Variants in RORC observed in about 807,000 individuals in gnomAD.
RORC encodes the protein RAR related orphan receptor C, also known as nuclear receptor ROR-gamma.
Under a neutral mutation model 64.5 loss-of-function variants are expected in RORC, and 13 were observed. The observed-to-expected ratio is 0.20, with a 90% CI of 0.13 to 0.32. The LOEUF (loss-of-function observed/expected upper bound fraction) is 0.32, where lower values mean the gene tolerates loss of function less well. RORC is among the 10% of genes least tolerant of loss of function. The pLI is 1.00. For synonymous variants in RORC, 277 were observed against 259.3 expected (o/e 1.07, Z -0.65); for missense variants, 468 against 669.5 (o/e 0.70, Z 3.32).
chr1:151,819,660 C>T (rs1018282585), intron 2 of RORC, among the ~76,000 whole-genome samples: 1 of 152,164 alleles, frequency 6.6e-6, no homozygotes, highest in Non-Finnish European at 1.5e-5. Flanking sequence ...GCCACATCCG[C>T]GTGCGTGTGT....
At chr1:151,821,632 A>G (rs1651997803) in intron 2 of RORC, among the ~76,000 whole-genome samples, 1 of 152,242 alleles carries the variant, frequency 6.6e-6, no homozygotes, top group Non-Finnish European at 1.5e-5. Flanking sequence ...TCACACAGCC[A>G]GAAGTGGCAG....
At chr1:151,814,429 TA>T in intron 6 of RORC, 144 bp downstream of exon 6, 1 of 759,084 alleles carries the variant, frequency 1.3e-6, no homozygotes. Context: ...CAACTGTACA[TA>T]AAAGGTGTGC....
chr1:151,825,778 G>T, intron 2 of RORC: 1 of 812,378 alleles, frequency 1.2e-6, no homozygotes, highest in Non-Finnish European at 1.9e-6. Context: ...CTCCCCAGCT[G>T]CTCCACCCAT....
intron 2 of RORC, among the ~76,000 whole-genome samples, chr1:151,825,188 T>C (rs973228254): frequency 7.9e-5 from 12 of 152,146 alleles, no homozygotes; most frequent in Non-Finnish European, 2.9e-5. Flanking sequence ...CCGAGGTCTT[T>C]CCAATCCCAT....
intron 10 of RORC, among the ~76,000 whole-genome samples, chr1:151,810,787 C>G (rs1257269912): frequency 1.3e-5 from 2 of 152,208 alleles, no homozygotes; most frequent in Non-Finnish European, 2.9e-5. Flanking sequence ...CCCGCCTTGG[C>G]CTCCCAAAGT....
intron 2 of RORC, among the ~76,000 whole-genome samples, chr1:151,824,871 C>T (rs573069408): frequency 6.6e-6 from 1 of 152,338 alleles, no homozygotes; most frequent in Non-Finnish European, 1.5e-5. Context: ...GGCACAAGTG[C>T]CTGGTCTTAC....
chr1:151,823,021 G>T (rs11204895), intron 2 of RORC, among the ~76,000 whole-genome samples: 2 of 151,842 alleles, frequency 1.3e-5, no homozygotes, highest in African/African-American at 2.4e-5. Flanking sequence ...TATTTTCATT[G>T]TGCTGGGACA....
chr1:151,817,144 G>A (rs767797773), intron 3 of RORC, 51 bp downstream of exon 3: 46 of 1,185,524 alleles, frequency 3.9e-5, no homozygotes, highest in African/African-American at 4.6e-5. Context: ...GCGCGCGCGC[G>A]CTTGTGTATG....
chr1:151,826,856 G>A (rs1399285071), intron 2 of RORC, among the ~76,000 whole-genome samples: 1 of 152,200 alleles, frequency 6.6e-6, no homozygotes, highest in Non-Finnish European at 1.5e-5. Context: ...AGTGGCTCAC[G>A]CCTGTAATCC....
chr1:151,812,360 A>T (rs1651570471), intron 9 of RORC: 1 of 152,540 alleles, frequency 6.6e-6, no homozygotes, highest in Non-Finnish European at 1.5e-5. Context: ...GAGCTATTCA[A>T]CACTTTATTA....
At chr1:151,813,998 T>A (rs2101657136) in intron 6 of RORC, 1 of 217,054 alleles carries the variant, frequency 4.6e-6, no homozygotes, top group East Asian at 1.1e-4. Context: ...AACGAGTGTG[T>A]TTAGAGCAGG....
At position 151,813,074 on chromosome 1, in the gene RORC, G is replaced by A. The variant is rs202022674; in HGVS notation, c.1175-17C>T. The A allele has an allele frequency of 3.8e-6, 6 of 1,583,954 alleles. No homozygotes were observed. The highest frequency in any genetic ancestry group is 4.3e-6 in the Non-Finnish European group (5 of 1,152,760). The stretch of plus-strand genomic sequence containing the variant: ...CGCTGCAGCCTGATGGAGTGGAAAT[G>A]AGAAAAGTGAGAGAGTGGCTGGAGC... On this transcript the variant is annotated splice_polypyrimidine_tract_variant and intron_variant, in intron 8 of 10. Coordinates refer to ENST00000318247, the MANE Select transcript of RORC (RefSeq NM_005060.4).
chr1:151,810,753 G>A (rs948871043), intron 10 of RORC, among the ~76,000 whole-genome samples: 23 of 152,024 alleles, frequency 1.5e-4, no homozygotes, highest in African/African-American at 4.8e-4. Context: ...GGCTGGTCTC[G>A]AACTCCTGAC....
chr1:151,807,693 AG>A lies in RORC; in HGVS notation c.1396-61del. On this transcript the variant is annotated intron_variant, in intron 10 of 10. Transcript: ENST00000318247. The surrounding 1 kb of genome is among the most constrained non-coding windows in gnomAD (Gnocchi z 5.0). ...ACTTCAGCTCTCCTCAGAGCAAAGA[AG>A]TCCGCTCATTCTTCCTGGGCTAGGA... is the stretch of plus-strand genomic sequence containing the variant. 6.4e-7 allele frequency: 1 copy of A among 1,570,798 alleles called. No individual in the cohort carries two copies. The highest frequency in any genetic ancestry group is 1.1e-5 in the South Asian group (1 of 87,414).
intron 2 of RORC, among the ~76,000 whole-genome samples, chr1:151,824,852 G>A (rs1652130542): frequency 6.6e-6 from 1 of 152,248 alleles, no homozygotes; most frequent in Non-Finnish European, 1.5e-5. Context: ...TGGCTAGCCA[G>A]TGATAGGCGG....
At chr1:151,824,373 G>A (rs948856397) in intron 2 of RORC, among the ~76,000 whole-genome samples, 9 of 152,174 alleles carry the variant, frequency 5.9e-5, no homozygotes, top group South Asian at 2.1e-4. Flanking sequence ...CTCCTGCCCC[G>A]CTGCTGGGCT....
Position 151,813,525 on chromosome 1 carries a change from C to A in RORC, c.1029G>T (p.Glu343Asp), listed in dbSNP as rs1182775718. ...GCACAATCTGGTCATTCTGGCAGAG[C>A]TCCATAAAGCCTGAGAGCCTCTTGG... ...EFAKRLSGFM[E>D]LCQNDQIVLL... The change falls in exon 7 of 11, where the codon GAG becomes GAT. Residue 343 changes from glutamate to aspartate, a missense_variant. Glu to Asp is a conservative substitution (Grantham distance 45). This residue lies in a region of RORC where 100 missense variants were observed against 190.8 expected (regional missense o/e 0.52). Transcript: ENST00000318247. 3 of 1,614,166 alleles carry A rather than the reference C, an allele frequency of 1.9e-6. No individual in the cohort carries two copies. The highest frequency in any genetic ancestry group is 4.5e-5 in the East Asian group (2 of 44,868).
chr1:151,807,640 A>G lies in RORC; in HGVS notation c.1396-7T>C, dbSNP rs750708262. The G allele has an allele frequency of 6.2e-7, 1 of 1,613,892 alleles. No homozygotes were observed. On this transcript the variant is annotated splice_region_variant and splice_polypyrimidine_tract_variant and intron_variant, in intron 10 of 10. Transcript: ENST00000318247. The surrounding 1 kb of genome is among the most constrained non-coding windows in gnomAD (Gnocchi z 5.0). Reference sequence around the variant, plus strand: ...GCTTCCCCTTGGGTGGCAGCTGGATATGGGTTAATGGGGAAGGGAGGGTCA... The same window carrying G: ...GCTTCCCCTTGGGTGGCAGCTGGATGTGGGTTAATGGGGAAGGGAGGGTCA...
intron 2 of RORC, among the ~76,000 whole-genome samples, chr1:151,820,448 C>T (rs914142440): frequency 2.0e-5 from 3 of 152,124 alleles, no homozygotes; most frequent in Non-Finnish European, 4.4e-5. Context: ...CTGCCAGGAA[C>T]TTACCATCTA....
Sources: allele counts gnomAD v4.1 joint callset (sites outside exome capture counted in the v4.1 genomes callset), GRCh38; gene constraint gnomAD v4.1.1; regional missense constraint gnomAD v4.1.1; non-coding constraint Gnocchi (gnomAD v3.1); transcripts MANE v1.5; gene names NCBI Gene and HGNC (gene_info 2026-07-23, HGNC 2026-07-21).